BFSP2: variants seen among roughly 807,000 people sequenced by gnomAD.
BFSP2 encodes the protein beaded filament structural protein 2.
A neutral mutation model predicts 44.9 loss-of-function variants in BFSP2; 38 were observed. That is an observed-to-expected ratio of 0.85 (90% CI 0.65 to 1.11). The LOEUF is 1.11. Ranked by LOEUF, BFSP2 falls within the 50% of genes least tolerant of loss-of-function variation. The pLI, the probability that BFSP2 is intolerant of heterozygous loss-of-function variation, is 0.00. For synonymous variants in BFSP2, 197 were observed against 209.9 expected, an observed-to-expected ratio of 0.94 and a Z score of 0.53; for missense variants, 525 against 533.0, an observed-to-expected ratio of 0.99 and a Z score of 0.15.
intron 1 of BFSP2, among the ~76,000 whole-genome samples, chr3:133,422,434 C>T (rs1367044532): frequency 6.6e-6 from 1 of 152,200 alleles, no homozygotes; most frequent in Non-Finnish European, 1.5e-5. Context: ...CCACTGACTC[C>T]TACCTCTCTC....
Position 133,417,757 on chromosome 3 carries a change from CCT to C in BFSP2, c.489+17188_489+17189del, listed in dbSNP as rs370500175. Among the ~76,000 whole-genome samples, 62 of 143,908 alleles carry C rather than the reference CCT, an allele frequency of 4.3e-4. 2 individuals are homozygous for C. The highest frequency in any genetic ancestry group is 1.6e-3 in the African/African-American group (61 of 38,462). 94.4% of individuals were successfully genotyped at this position (143,908 alleles called of 152,430 possible). A position where few individuals can be genotyped will look rare whatever the true frequency, so the allele number is the denominator to read the frequency against. On this transcript the variant is annotated intron_variant, in intron 1 of 6. Coordinates refer to ENST00000302334, the MANE Select transcript of BFSP2 (RefSeq NM_003571.4). ...TCACCCGTCCTCTCCCCTCTACTCA[CCT>C]CTGTCACCTCTCCTCTATTCACCCC...
intron 1 of BFSP2, among the ~76,000 whole-genome samples, chr3:133,439,039 G>C (rs2073819267): frequency 6.6e-6 from 1 of 152,226 alleles, no homozygotes; most frequent in East Asian, 1.9e-4. Context: ...CTGAGACTGA[G>C]TTTCCTCATC....
At chr3:133,424,322 C>T (rs2073624493) in intron 1 of BFSP2, among the ~76,000 whole-genome samples, 1 of 149,260 alleles carries the variant, frequency 6.7e-6, no homozygotes, top group African/African-American at 2.4e-5. Flanking sequence ...CCCGCCTCGG[C>T]CTCCCGAAGT....
chr3:133,441,438 G>T (rs2073844352), intron 1 of BFSP2, among the ~76,000 whole-genome samples: 1 of 152,232 alleles, frequency 6.6e-6, no homozygotes, highest in South Asian at 2.1e-4. Context: ...AACCAGAAAA[G>T]AGATGATTAG....
At chr3:133,406,809 G>C (rs2073408538) in intron 1 of BFSP2, among the ~76,000 whole-genome samples, 1 of 152,006 alleles carries the variant, frequency 6.6e-6, no homozygotes, top group Non-Finnish European at 1.5e-5. Flanking sequence ...GAAAGAAAGA[G>C]GGAAAAATTT....
intron 1 of BFSP2, among the ~76,000 whole-genome samples, chr3:133,420,583 C>A (rs1314897289): frequency 6.6e-6 from 1 of 152,200 alleles, no homozygotes; most frequent in Non-Finnish European, 1.5e-5. Context: ...ATACTCTGGT[C>A]TAGCTGTCAG....
At chr3:133,408,097 A>AG (rs1490056930) in intron 1 of BFSP2, among the ~76,000 whole-genome samples, 1 of 152,182 alleles carries the variant, frequency 6.6e-6, no homozygotes, top group African/African-American at 2.4e-5. Flanking sequence ...ATGACAAACT[A>AG]GAAAAAAAAA....
chr3:133,424,074 T>G (rs557150060), intron 1 of BFSP2, among the ~76,000 whole-genome samples: 113 of 151,666 alleles, frequency 7.5e-4, no homozygotes, highest in African/African-American at 2.5e-3. Context: ...CGGCGGGGAA[T>G]GGAGTCTCAC....
At chr3:133,466,760 G>C (rs919370335) in intron 4 of BFSP2, 68 bp from the exon 5 acceptor site, 66 of 1,582,374 alleles carry the variant, frequency 4.2e-5, no homozygotes, top group Middle Eastern at 2.3e-4. Context: ...GATTAGAAAG[G>C]CTGGGAAGGA....
chr3:133,421,539 G>A (rs1016732132), intron 1 of BFSP2, among the ~76,000 whole-genome samples: 2 of 151,878 alleles, frequency 1.3e-5, no homozygotes, highest in Admixed American at 6.5e-5. Context: ...TTAGATGAGA[G>A]CCTACCCTAA....
intron 1 of BFSP2, among the ~76,000 whole-genome samples, chr3:133,430,227 T>C (rs925865356): frequency 2.6e-5 from 4 of 152,114 alleles, no homozygotes; most frequent in African/African-American, 9.7e-5. Context: ...CGTGTGCATG[T>C]GTCTTTATAG....
intron 1 of BFSP2, among the ~76,000 whole-genome samples, chr3:133,403,606 G>T (rs898137040): frequency 6.6e-6 from 1 of 152,234 alleles, no homozygotes; most frequent in Non-Finnish European, 1.5e-5. Flanking sequence ...CTTGGATCAG[G>T]CTGGAGCAAG....
At chr3:133,413,359 A>T (rs1035312079) in intron 1 of BFSP2, among the ~76,000 whole-genome samples, 2 of 152,080 alleles carry the variant, frequency 1.3e-5, no homozygotes, top group African/African-American at 2.4e-5. Context: ...AACCCAGCCA[A>T]ATTAAACAAG....
chr3:133,441,460 A>G (rs1375667624), intron 1 of BFSP2, among the ~76,000 whole-genome samples: 1 of 152,186 alleles, frequency 6.6e-6, no homozygotes, highest in African/African-American at 2.4e-5. Context: ...ACTTGAACCA[A>G]GCTGGATAAT....
intron 5 of BFSP2, among the ~76,000 whole-genome samples, chr3:133,467,756 T>G (rs772537031): frequency 6.6e-5 from 10 of 152,212 alleles, no homozygotes; most frequent in Non-Finnish European, 1.5e-4. Flanking sequence ...TCATTTGCAT[T>G]GTTCTAACTA....
At chr3:133,460,458 A>T (rs983887584) in intron 4 of BFSP2, among the ~76,000 whole-genome samples, 1 of 152,220 alleles carries the variant, frequency 6.6e-6, no homozygotes, top group Admixed American at 6.5e-5. Context: ...GGATTTCAGT[A>T]TGTTGCCCAG....
chr3:133,436,392 A>G (rs1197767468), intron 1 of BFSP2, among the ~76,000 whole-genome samples: 5 of 149,162 alleles, frequency 3.4e-5, no homozygotes, highest in Admixed American at 3.4e-4. Flanking sequence ...CCATGAATTT[A>G]TTGAAGGTTC....
At chr3:133,458,262 G>A (rs754532937) in intron 4 of BFSP2, among the ~76,000 whole-genome samples, 8 of 152,190 alleles carry the variant, frequency 5.3e-5, no homozygotes, top group Non-Finnish European at 1.0e-4. Flanking sequence ...GTATGCTATA[G>A]TAGCATATAC....
rs111162463 is a variant in BFSP2 at position 133,417,285 on chromosome 3, C to T, written c.489+16713C>T. Among the ~76,000 whole-genome samples the T allele has an allele frequency of 5.9e-3, 858 of 146,182 alleles. 21 individuals are homozygous for T. The highest frequency in any genetic ancestry group is 0.021 in the African/African-American group (809 of 38,740). On this transcript the variant is annotated intron_variant, in intron 1 of 6. Transcript: ENST00000302334. Reference sequence around the variant, plus strand: ...TCCCCTCTACTCACCCTTGCCCTCTCCCTTCTGCTCACCCCTGTCCTCACC... The same window carrying T: ...TCCCCTCTACTCACCCTTGCCCTCTTCCTTCTGCTCACCCCTGTCCTCACC...
Sources: allele counts gnomAD v4.1 joint callset (sites outside exome capture counted in the v4.1 genomes callset), GRCh38; gene constraint gnomAD v4.1.1; transcripts MANE v1.5; gene names NCBI Gene and HGNC (gene_info 2026-07-23, HGNC 2026-07-21).